MFSD6L: variants seen among roughly 807,000 people sequenced by gnomAD.
The protein encoded by MFSD6L is major facilitator superfamily domain containing 6 like.
A neutral mutation model predicts 6.4 loss-of-function variants in MFSD6L; 9 were observed. The observed-to-expected ratio is 1.42, with a 90% CI of 0.85 to 2.47. The LOEUF is 2.47. Ranked by LOEUF, MFSD6L falls within the 30% of genes most tolerant of loss-of-function variation. MFSD6L has a pLI of 0.00. For missense variants in MFSD6L, 747 were observed against 730.6 expected, an observed-to-expected ratio of 1.02 and a Z score of -0.26; for synonymous variants, 336 against 322.4, an observed-to-expected ratio of 1.04 and a Z score of -0.45.
rs1384292338 is a variant in MFSD6L at position 8,798,339 on chromosome 17, G to T, written c.782C>A (p.Ala261Glu). 1 of 1,610,404 alleles carries T rather than the reference G, an allele frequency of 6.2e-7. No homozygotes were observed. Among genetic ancestry groups the T allele is most frequent in the Non-Finnish European group, 8.5e-7 (1 of 1,179,986 alleles). The change falls in exon 1 of 1, where the codon GCG becomes GAG. Residue 261 changes from alanine (A) to glutamate (E), a missense_variant. Physicochemically the swap from Ala to Glu is moderately radical, Grantham distance 107. Coordinates refer to ENST00000329805, the MANE Select transcript of MFSD6L (RefSeq NM_152599.4). ...GTCATCTGCCACCTGCTCCAGAGGC[G>T]CTGTCAGCAGCTCCCAGAACGCCAC... ...GSVAFWELLTAPLEQVADDSL... is the reference protein window; with the variant it reads ...GSVAFWELLTEPLEQVADDSL...
Position 8,798,269 on chromosome 17 carries a change from G to GT in MFSD6L, c.851dup (p.Tyr284Ter), listed in dbSNP as rs779066503. ...FLDFVDATDR[Y>*]RSLWVWRLLG... Reference sequence around the variant, plus strand: ...GCAACCTCCAGACCCACAGGCTTCTGTATCGGTCAGTGGCATCCACAAAAT... The same window carrying GT: ...GCAACCTCCAGACCCACAGGCTTCTGTTATCGGTCAGTGGCATCCACAAAAT... Residue 284 changes from tyrosine (Y) to a stop codon, truncating the protein, a stop_gained and frameshift_variant, in exon 1 of 1, where the codon TAC (tyrosine) becomes TAAC (stop). Coordinates refer to ENST00000329805, the MANE Select transcript of MFSD6L (RefSeq NM_152599.4). LOFTEE classifies it low-confidence loss of function (END_TRUNC). 12 of 1,608,038 alleles carry GT rather than the reference G, an allele frequency of 7.5e-6. No homozygotes were observed. In the South Asian group the frequency reaches 1.3e-4, roughly 18 times the overall value.
chr17:8,797,948 C>A lies in MFSD6L; in HGVS notation c.1173G>T (p.Trp391Cys). Residue 391 changes from tryptophan (W) to cysteine (C), a missense_variant, in exon 1 of 1, where the codon TGG (tryptophan) becomes TGT (cysteine). Transcript: ENST00000329805. ...IVSTVQNFLF[W>C]HMKDHGSGEL... The stretch of plus-strand genomic sequence containing the variant: ...CGCCGCTCCCATGGTCCTTCATGTG[C>A]CAGAACAGAAAGTTCTGGACAGTAC... The A allele has an allele frequency of 6.2e-7, 1 of 1,613,976 alleles. No homozygotes were observed. Among genetic ancestry groups the A allele is most frequent in the Non-Finnish European group, 8.5e-7 (1 of 1,180,010 alleles).
chr17:8,799,021 G>T lies in MFSD6L; in HGVS notation c.100C>A (p.Leu34Met), dbSNP rs1427237667. 4.3e-6 allele frequency: 7 copies of T among 1,613,486 alleles called. No individual in the cohort carries two copies. In the African/African-American group the frequency reaches 9.3e-5, roughly 22 times the overall value. ...GVREACVTPF[L>M]TLYLRQLGLA... is the part of the protein sequence containing the mutation. ...CCCAGCTGCCTCAGGTAAAGGGTCAGGAACGGGGTCACGCAGGCTTCCCGC... is the reference window on the plus strand; with the variant it reads ...CCCAGCTGCCTCAGGTAAAGGGTCATGAACGGGGTCACGCAGGCTTCCCGC... Residue 34 changes from leucine (L) to methionine (M), a missense_variant, in exon 1 of 1, where the codon CTG becomes ATG. Transcript: ENST00000329805. This position sits in a 1 kb window ranked among gnomAD's most constrained non-coding sequence, Gnocchi z 5.3.
Position 8,798,331 on chromosome 17 carries a change from C to T in MFSD6L, c.790G>A (p.Glu264Lys), listed in dbSNP as rs760632318. ...AFWELLTAPL[E>K]QVADDSLYEF... ...TAAAGGCTGTCATCTGCCACCTGCT[C>T]CAGAGGCGCTGTCAGCAGCTCCCAG... is the stretch of plus-strand genomic sequence containing the variant. The change falls in exon 1 of 1, where the codon GAG becomes AAG. Residue 264 changes from glutamate (E) to lysine (K), a missense_variant. By Grantham distance (56) the Glu-to-Lys change is moderately conservative (BLOSUM62 1). Transcript: ENST00000329805. 5 of 1,609,986 alleles carry T rather than the reference C, an allele frequency of 3.1e-6. No individual in the cohort carries two copies. In the East Asian group the frequency reaches 8.9e-5, roughly 29 times the overall value.
In MFSD6L at chr17:8,798,359, C is replaced by G. The variant is rs377200040; in HGVS notation, c.762G>C (p.Ala254=). 1.2e-6 allele frequency: 2 copies of G among 1,611,928 alleles called. No homozygotes were observed. Among genetic ancestry groups the G allele is most frequent in the Non-Finnish European group, 1.7e-6 (2 of 1,179,946 alleles). ...RTFILSLGSV[A]FWELLTAPLE... is the part of the protein sequence containing the mutation. ...GAGGCGCTGTCAGCAGCTCCCAGAA[C>G]GCCACGGACCCCAAGGAGAGGATAA... Residue 254 remains alanine, a synonymous_variant, in exon 1 of 1, where the codon GCG becomes GCC. Coordinates refer to ENST00000329805, the MANE Select transcript of MFSD6L (RefSeq NM_152599.4).
At position 8,797,378 on chromosome 17, in the gene MFSD6L, C is replaced by A; in HGVS notation, c.1743G>T (p.Arg581Ser). The change falls in exon 1 of 1, where the codon AGG becomes AGT. Residue 581 changes from arginine to serine, a missense_variant. By Grantham distance (110) the Arg-to-Ser change is moderately radical (BLOSUM62 -1). Transcript: ENST00000329805. Reference sequence around the variant, plus strand: ...AGCCCTTTCAGTCTGAGTGTTCCTCCCTCATGGCCTTCACAAGCCAGTCCT... The same window carrying A: ...AGCCCTTTCAGTCTGAGTGTTCCTCACTCATGGCCTTCACAAGCCAGTCCT... ...TEQDWLVKAM[R>S]EEHSD 6.4e-7 allele frequency: 1 copy of A among 1,566,638 alleles called. No individual in the cohort carries two copies. Among genetic ancestry groups the A allele is most frequent in the Non-Finnish European group, 8.6e-7 (1 of 1,156,852 alleles).
chr17:8,797,591 G>C lies in MFSD6L; in HGVS notation c.1530C>G (p.Val510=). 6.2e-7 allele frequency: 1 copy of C among 1,613,378 alleles called. No individual in the cohort carries two copies. The highest frequency in any genetic ancestry group is 8.5e-7 in the Non-Finnish European group (1 of 1,179,836). The part of the protein sequence containing the change: ...YGSGCSLGSF[V]GGFVVMRFSL... ...TGAAGCGCATCACCACGAAGCCCCCGACAAAGCTGCCCAGGCTACAGCCAC... is the reference window on the plus strand; with the variant it reads ...TGAAGCGCATCACCACGAAGCCCCCCACAAAGCTGCCCAGGCTACAGCCAC... Residue 510 remains valine (V), a synonymous_variant, in exon 1 of 1, where the codon GTC becomes GTG. Coordinates refer to ENST00000329805, the MANE Select transcript of MFSD6L (RefSeq NM_152599.4).
rs1400668704 is a variant in MFSD6L at position 8,798,840 on chromosome 17, A to AT, written c.280dup (p.Met94AsnfsTer17). 6.8e-6 allele frequency: 11 copies of AT among 1,613,940 alleles called. No homozygotes were observed. The highest frequency in any genetic ancestry group is 9.3e-6 in the Non-Finnish European group (11 of 1,179,990). Reference sequence around the variant, plus strand: ...TTTGTCTACCGGTGGGACCAGGACCATCAGCAGGCTGGCCCCCACCGAGCC... The same window carrying AT: ...TTTGTCTACCGGTGGGACCAGGACCATTCAGCAGGCTGGCCCCCACCGAGCC... On this transcript the variant is annotated frameshift_variant, in exon 1 of 1. Transcript: ENST00000329805. LOFTEE classifies it low-confidence loss of function (END_TRUNC).
In MFSD6L at chr17:8,798,955, G is replaced by T; in HGVS notation, c.166C>A (p.His56Asn). ...PWVGTLMGTK[H>N]LIAAFWAPVC... is the part of the protein sequence containing the mutation. ...GGAGCCCAGAAGGCAGCGATTAGGT[G>T]CTTGGTTCCCATTAGGGTGCCCACC... The change falls in exon 1 of 1, where the codon CAC (histidine) becomes AAC (asparagine). Residue 56 changes from histidine (H) to asparagine (N), a missense_variant. Physicochemically the swap from His to Asn is moderately conservative, Grantham distance 68 (BLOSUM62 1). Transcript: ENST00000329805. The T allele has an allele frequency of 6.2e-7, 1 of 1,613,898 alleles. No individual in the cohort carries two copies. Among genetic ancestry groups the T allele is most frequent in the Non-Finnish European group, 8.5e-7 (1 of 1,179,934 alleles).
chr17:8,797,938 C>T lies in MFSD6L; in HGVS notation c.1183G>A (p.Asp395Asn), dbSNP rs151034925. The T allele has an allele frequency of 6.8e-6, 11 of 1,613,834 alleles. No individual in the cohort carries two copies. In the African/African-American group the frequency reaches 1.5e-4, roughly 22 times the overall value. Residue 395 changes from aspartate (D) to asparagine (N), a missense_variant, in exon 1 of 1, where the codon GAC becomes AAC. Asp to Asn is a conservative substitution (Grantham distance 23). Coordinates refer to ENST00000329805, the MANE Select transcript of MFSD6L (RefSeq NM_152599.4). Reference sequence around the variant, plus strand: ...ATGACCAGCTCGCCGCTCCCATGGTCCTTCATGTGCCAGAACAGAAAGTTC... The same window carrying T: ...ATGACCAGCTCGCCGCTCCCATGGTTCTTCATGTGCCAGAACAGAAAGTTC... ...VQNFLFWHMK[D>N]HGSGELVMGF... is the part of the protein sequence containing the mutation.
Position 8,797,428 on chromosome 17 carries a change from T to A in MFSD6L, c.1693A>T (p.Ser565Cys). 1.2e-6 allele frequency: 2 copies of A among 1,612,222 alleles called. No homozygotes were observed. Residue 565 changes from serine to cysteine, a missense_variant, in exon 1 of 1, where the codon AGT (serine) becomes TGT (cysteine). Coordinates refer to ENST00000329805, the MANE Select transcript of MFSD6L (RefSeq NM_152599.4). The part of the protein sequence containing the change: ...KLLSMEVSDT[S>C]DSEQGTEQDW... ...TGTTCTGTCCCCTGCTCAGAGTCACTGGTGTCACTCACCTCCATGGACAGC... is the reference window on the plus strand; with the variant it reads ...TGTTCTGTCCCCTGCTCAGAGTCACAGGTGTCACTCACCTCCATGGACAGC...
rs779935546 is a variant in MFSD6L, at chr17:8,798,019, G to T, written c.1102C>A (p.Leu368Ile). The change falls in exon 1 of 1, where the codon CTC (leucine) becomes ATC (isoleucine). Residue 368 changes from leucine to isoleucine, a missense_variant. Coordinates refer to ENST00000329805, the MANE Select transcript of MFSD6L (RefSeq NM_152599.4). The stretch of plus-strand genomic sequence containing the variant: ...ACAGTGGTGGAGGCGAGGAGAATGA[G>T]GTGGGGGTCACCCCCCACAATGGAC... ...ALSIVGGDPH[L>I]ILLASTTVLV... The T allele has an allele frequency of 1.2e-6, 2 of 1,614,014 alleles. No individual in the cohort carries two copies. The highest frequency in any genetic ancestry group is 1.7e-6 in the Non-Finnish European group (2 of 1,180,010).
At position 8,799,070 on chromosome 17, in the gene MFSD6L, C is replaced by T; in HGVS notation, c.51G>A (p.Lys17=). ...GCACCCCGCACACCAGGTGGAAGAG[C>T]TTGGCCACCCCCAGCGCCCTGCTGA... ...WDISRALGVA[K]LFHLVCGVRE... is the part of the protein sequence containing the mutation. Residue 17 remains lysine (K), a synonymous_variant, in exon 1 of 1, where the codon AAG becomes AAA. Coordinates refer to ENST00000329805, the MANE Select transcript of MFSD6L (RefSeq NM_152599.4). This position sits in a 1 kb window ranked among gnomAD's most constrained non-coding sequence, Gnocchi z 5.3. 1 of 1,599,326 alleles carries T rather than the reference C, an allele frequency of 6.3e-7. No individual in the cohort carries two copies.
chr17:8,797,391 A>G lies in MFSD6L; in HGVS notation c.1730T>C (p.Val577Ala), dbSNP rs1378169348. The change falls in exon 1 of 1, where the codon GTG becomes GCG. Residue 577 changes from valine (V) to alanine (A), a missense_variant. By Grantham distance (64) the Val-to-Ala change is moderately conservative. Transcript: ENST00000329805. ...TGAGTGTTCCTCCCTCATGGCCTTC[A>G]CAAGCCAGTCCTGTTCTGTCCCCTG... The part of the protein sequence containing the change: ...SEQGTEQDWL[V>A]KAMREEHSD The G allele has an allele frequency of 1.3e-6, 2 of 1,583,054 alleles. No individual in the cohort carries two copies. Among genetic ancestry groups the G allele is most frequent in the African/African-American group, 2.7e-5 (2 of 73,786 alleles).
Position 8,799,323 on chromosome 17 carries a change from A to C in MFSD6L, c.-203T>G. The C allele has an allele frequency of 1.5e-5, 6 of 406,018 alleles. No homozygotes were observed. Among genetic ancestry groups the C allele is most frequent in the Non-Finnish European group, 2.1e-5 (5 of 235,884 alleles). 25.2% of individuals were successfully genotyped at this position (406,018 alleles called of 1,614,324 possible). A position where few individuals can be genotyped will look rare whatever the true frequency, so the allele number is the denominator to read the frequency against. The stretch of plus-strand genomic sequence containing the variant: ...CCCCCAGGTCCTGCCGTTGGACCGA[A>C]AGGGGCCCCGCCCGGAGGGAGAGGC... On this transcript the variant is annotated 5_prime_UTR_variant, in exon 1 of 1. Coordinates refer to ENST00000329805, the MANE Select transcript of MFSD6L (RefSeq NM_152599.4). This position sits in a 1 kb window ranked among gnomAD's most constrained non-coding sequence, Gnocchi z 5.3.
Position 8,799,038 on chromosome 17 carries a change from G to T in MFSD6L, c.83C>A (p.Ala28Asp). The change falls in exon 1 of 1, where the codon GCC (alanine) becomes GAC (aspartate). Residue 28 changes from alanine (A) to aspartate (D), a missense_variant. By Grantham distance (126) the Ala-to-Asp change is moderately radical. Transcript: ENST00000329805. This position sits in a 1 kb window ranked among gnomAD's most constrained non-coding sequence, Gnocchi z 5.3. ...LFHLVCGVRE[A>D]CVTPFLTLYL... ...AAGGGTCAGGAACGGGGTCACGCAG[G>T]CTTCCCGCACCCCGCACACCAGGTG... 1.2e-6 allele frequency: 2 copies of T among 1,612,566 alleles called. No homozygotes were observed. The highest frequency in any genetic ancestry group is 1.7e-4 in the Middle Eastern group (1 of 6,056).
In MFSD6L at chr17:8,797,658, T is replaced by C. The variant is rs1236951816; in HGVS notation, c.1463A>G (p.Glu488Gly). 3 of 1,613,370 alleles carry C rather than the reference T, an allele frequency of 1.9e-6. No homozygotes were observed. Among genetic ancestry groups the C allele is most frequent in the Non-Finnish European group, 1.7e-6 (2 of 1,179,982 alleles). ...TCGGAACAAGGCACTCAGAGCCCTC[T>C]CCATGCGGGGAGTGGCCAGGTCCTC... ...SVEDLATPRMERALSALFRGH... is the reference protein window; with the variant it reads ...SVEDLATPRMGRALSALFRGH... The change falls in exon 1 of 1, where the codon GAG becomes GGG. Residue 488 changes from glutamate (E) to glycine (G), a missense_variant. By Grantham distance (98) the Glu-to-Gly change is moderately conservative (BLOSUM62 -2). Coordinates refer to ENST00000329805, the MANE Select transcript of MFSD6L (RefSeq NM_152599.4).
chr17:8,797,443 C>A lies in MFSD6L; in HGVS notation c.1678G>T (p.Glu560Ter), dbSNP rs2087007541. The A allele has an allele frequency of 3.1e-6, 5 of 1,613,576 alleles. No homozygotes were observed. The highest frequency in any genetic ancestry group is 2.7e-5 in the African/African-American group (2 of 75,054). Residue 560 changes from glutamate to a stop codon, truncating the protein, a stop_gained, in exon 1 of 1, where the codon GAG (glutamate) becomes TAG (stop). Coordinates refer to ENST00000329805, the MANE Select transcript of MFSD6L (RefSeq NM_152599.4). LOFTEE classifies it high-confidence loss of function. ...TCAGAGTCACTGGTGTCACTCACCTCCATGGACAGCAGCTTCGAGTACTTG... is the reference window on the plus strand; with the variant it reads ...TCAGAGTCACTGGTGTCACTCACCTACATGGACAGCAGCTTCGAGTACTTG... ...KIKYSKLLSM[E>*]VSDTSDSEQG...
rs34184531 is a variant in MFSD6L, at chr17:8,798,105, A to G, written c.1016T>C (p.Ile339Thr). Reference sequence around the variant, plus strand: ...CTGACAGATGGGAATGGGAAAGGCAATGCTCACCAGTAAGGCCAGGGTGCT... The same window carrying G: ...CTGACAGATGGGAATGGGAAAGGCAGTGCTCACCAGTAAGGCCAGGGTGCT... ...VVSTLALLVS[I>T]AFPIPICQQW... Residue 339 changes from isoleucine to threonine, a missense_variant, in exon 1 of 1, where the codon ATT (isoleucine) becomes ACT (threonine). Transcript: ENST00000329805. The G allele has an allele frequency of 0.21, 345,120 of 1,613,688 alleles. 38,080 individuals are homozygous for G. Among genetic ancestry groups the G allele is most frequent in the Middle Eastern group, 0.28 (1,712 of 6,060 alleles).
Sources: gnomAD v4.1 joint callset for allele counts on GRCh38, gnomAD v4.1.1 for gene constraint, Gnocchi (gnomAD v3.1) non-coding constraint, MANE v1.5 for transcripts, NCBI Gene and HGNC (gene_info 2026-07-23, HGNC 2026-07-21) for gene names.